Variants in KCNQ4 observed in about 807,000 individuals in gnomAD.
KCNQ4 encodes potassium voltage-gated channel subfamily KQT member 4.
KCNQ4 carries 31 observed loss-of-function variants against 72.6 expected under a neutral mutation model. The ratio of observed to expected loss-of-function variants is 0.43; its 90% CI spans 0.32 to 0.58. The LOEUF (loss-of-function observed/expected upper bound fraction) is 0.58, where lower values mean the gene tolerates loss of function less well. Among genes scored for constraint, KCNQ4 ranks in the 20% least tolerant of loss-of-function variants. KCNQ4 has a pLI of 0.08. For missense variants in KCNQ4, 869 were observed against 962.6 expected (o/e 0.90, Z 1.29); for synonymous variants, 405 against 403.7 (o/e 1.00, Z -0.04).
At chr1:40,798,366 C>T (rs1454171097) in intron 1 of KCNQ4, among the ~76,000 whole-genome samples, 2 of 152,194 alleles carry the variant, frequency 1.3e-5, no homozygotes, top group East Asian at 1.9e-4. Context: ...AGCCTTAGCT[C>T]GAGGTCCAAA....
intron 11 of KCNQ4, among the ~76,000 whole-genome samples, chr1:40,833,794 C>T (rs1648727537): frequency 6.9e-6 from 1 of 145,490 alleles, no homozygotes; most frequent in South Asian, 2.1e-4. Flanking sequence ...GTCAGAAGTT[C>T]GAGACCAGCC....
chr1:40,810,633 A>G (rs570139847), intron 1 of KCNQ4, among the ~76,000 whole-genome samples: 3 of 152,246 alleles, frequency 2.0e-5, no homozygotes, highest in East Asian at 3.9e-4. Flanking sequence ...GACATGTTGG[A>G]CATGTCGAGA....
intron 10 of KCNQ4, among the ~76,000 whole-genome samples, chr1:40,831,845 C>T (rs890325401): frequency 6.6e-6 from 1 of 152,230 alleles, no homozygotes; most frequent in Non-Finnish European, 1.5e-5. Flanking sequence ...ATCTCATTTA[C>T]TTCTCCCAGT....
chr1:40,789,364 A>T (rs1252083131), intron 1 of KCNQ4, among the ~76,000 whole-genome samples: 1 of 152,040 alleles, frequency 6.6e-6, no homozygotes, highest in Non-Finnish European at 1.5e-5. Context: ...TTTAGATAAC[A>T]ATTTTCCTAA....
chr1:40,824,592 A>C (rs1048685500), intron 9 of KCNQ4, among the ~76,000 whole-genome samples: 4 of 151,958 alleles, frequency 2.6e-5, no homozygotes, highest in African/African-American at 9.7e-5. Context: ...CTGCACCCCC[A>C]TCCCTCCCGG....
chr1:40,793,611 G>A (rs1647332355), intron 1 of KCNQ4, among the ~76,000 whole-genome samples: 2 of 152,104 alleles, frequency 1.3e-5, no homozygotes, highest in African/African-American at 4.8e-5. Flanking sequence ...CTCAATCCAT[G>A]TGACAGTGAC....
At chr1:40,810,810 G>T (rs915344026) in intron 1 of KCNQ4, among the ~76,000 whole-genome samples, 1 of 152,130 alleles carries the variant, frequency 6.6e-6, no homozygotes, top group African/African-American at 2.4e-5. Flanking sequence ...TCACTGAGTT[G>T]TCCCCGACCT....
chr1:40,819,538 T>C, intron 5 of KCNQ4, 66 bp downstream of exon 5: 1 of 1,597,966 alleles, frequency 6.3e-7, no homozygotes, highest in Non-Finnish European at 8.6e-7. Flanking sequence ...TCCCGAGGTC[T>C]GCCCATCGTG....
Position 40,831,659 on chromosome 1 carries a change from A to G in KCNQ4, c.1513+355A>G, listed in dbSNP as rs1344905337. ...TCATTCATAAAATGGGAACAATAAT[A>G]GCATCCACTTCCTAGGATTATTGTG... On this transcript the variant is annotated intron_variant, in intron 10 of 13. Transcript: ENST00000347132. Among the ~76,000 whole-genome samples, 3 of 152,336 alleles carry G rather than the reference A, an allele frequency of 2.0e-5. No individual in the cohort carries two copies. In the East Asian group the frequency reaches 5.8e-4, roughly 29 times the overall value.
At chr1:40,795,678 T>TG (rs1336082628) in intron 1 of KCNQ4, among the ~76,000 whole-genome samples, 2 of 151,964 alleles carry the variant, frequency 1.3e-5, no homozygotes, top group African/African-American at 4.8e-5. Context: ...AAGAGACATA[T>TG]GGGGGAGCGG....
At chr1:40,807,947 G>A (rs1647812734) in intron 1 of KCNQ4, among the ~76,000 whole-genome samples, 1 of 143,354 alleles carries the variant, frequency 7.0e-6, no homozygotes, top group Non-Finnish European at 1.5e-5. Context: ...GCAAGACCTT[G>A]TCTCTACTAA....
At position 40,794,401 on chromosome 1, in the gene KCNQ4, T is replaced by C. The variant is rs957416630; in HGVS notation, c.314+9994T>C. Among the ~76,000 whole-genome samples, 17 of 152,226 alleles carry C rather than the reference T, an allele frequency of 1.1e-4. No individual in the cohort carries two copies. Among genetic ancestry groups the C allele is most frequent in the Middle Eastern group, 3.4e-3 (1 of 294 alleles). The stretch of plus-strand genomic sequence containing the variant: ...TCTATTTTTTCCAGTACCCGCTAGG[T>C]AGCAGGCACTATTATTGTTCCCATT... On this transcript the variant is annotated intron_variant, in intron 1 of 13. Coordinates refer to ENST00000347132, the MANE Select transcript of KCNQ4 (RefSeq NM_004700.4). This position sits in a 1 kb window ranked among gnomAD's most constrained non-coding sequence, Gnocchi z 4.2.
chr1:40,829,677 C>T (rs891519621), intron 9 of KCNQ4, among the ~76,000 whole-genome samples: 7 of 152,170 alleles, frequency 4.6e-5, no homozygotes, highest in African/African-American at 7.2e-5. Flanking sequence ...GTAGGTGACA[C>T]GGTGTCCTCC....
At chr1:40,799,435 C>CA (rs939386120) in intron 1 of KCNQ4, among the ~76,000 whole-genome samples, 3 of 151,908 alleles carry the variant, frequency 2.0e-5, no homozygotes, top group East Asian at 1.9e-4. Context: ...GGGCCATGCC[C>CA]CCCCCCTCGC....
rs561164512 is a variant in KCNQ4, at chr1:40,784,529, T to A, written c.314+122T>A. On this transcript the variant is annotated intron_variant, in intron 1 of 13. Transcript: ENST00000347132. The surrounding 1 kb of genome is among the most constrained non-coding windows in gnomAD (Gnocchi z 4.1). ...GCCTCAGGGCCGACCCTCATCTCTCTCCCCCCAGGCCTAAGCCCGGTTTCT... is the reference window on the plus strand; with the variant it reads ...GCCTCAGGGCCGACCCTCATCTCTCACCCCCCAGGCCTAAGCCCGGTTTCT... The A allele has an allele frequency of 7.6e-6, 7 of 919,624 alleles. No homozygotes were observed. Among genetic ancestry groups the A allele is most frequent in the Non-Finnish European group, 1.2e-5 (7 of 581,048 alleles). The allele number at this position is 919,624 out of a possible 1,614,324, so 57.0% of individuals were successfully genotyped here. A position where few individuals can be genotyped will look rare whatever the true frequency, so the allele number is the denominator to read the frequency against.
rs148529378 is a variant in KCNQ4 at position 40,825,240 on chromosome 1, T to A, written c.1292+982T>A. 2.3e-3 allele frequency among the ~76,000 whole-genome samples: 355 copies of A among 152,244 alleles called. 1 individual carries two copies. The highest frequency in any genetic ancestry group is 8.2e-3 in the African/African-American group (340 of 41,538). On this transcript the variant is annotated intron_variant, in intron 9 of 13. Transcript: ENST00000347132. ...GACATCTGGCCTTTGAGCTTCAATG[T>A]CATTCTGAGCCCCAGGCCCAGAACA...
chr1:40,795,500 A>G (rs1051764733), intron 1 of KCNQ4, among the ~76,000 whole-genome samples: 1 of 151,936 alleles, frequency 6.6e-6, no homozygotes. Flanking sequence ...GTGCTCAAGC[A>G]ATTTTCCCAC....
At chr1:40,802,034 G>T (rs921981990) in intron 1 of KCNQ4, among the ~76,000 whole-genome samples, 1 of 152,048 alleles carries the variant, frequency 6.6e-6, no homozygotes, top group Admixed American at 6.5e-5. Flanking sequence ...GGGGGCTTGG[G>T]ACTCAATATT....
chr1:40,784,449 A>C lies in KCNQ4; in HGVS notation c.314+42A>C. On this transcript the variant is annotated intron_variant, in intron 1 of 13. Transcript: ENST00000347132. The surrounding 1 kb of genome is among the most constrained non-coding windows in gnomAD (Gnocchi z 4.1). ...GCGCCCTTCCGCGTTTCCCCGCGCA[A>C]GCCTGGCCTCCCGGGGCACGGCCGC... 2 of 1,588,096 alleles carry C rather than the reference A, an allele frequency of 1.3e-6. No homozygotes were observed. The highest frequency in any genetic ancestry group is 1.7e-6 in the Non-Finnish European group (2 of 1,166,910).
Sources: allele counts gnomAD v4.1 joint callset (sites outside exome capture counted in the v4.1 genomes callset), GRCh38; gene constraint gnomAD v4.1.1; non-coding constraint Gnocchi (gnomAD v3.1); transcripts MANE v1.5; gene names NCBI Gene and HGNC (gene_info 2026-07-23, HGNC 2026-07-21).